The following NPAS3 variants were observed in gnomAD, a reference collection of about 807,000 sequenced individuals.
The protein encoded by NPAS3 is neuronal PAS domain protein 3.
A neutral mutation model predicts 73.1 loss-of-function variants in NPAS3; 14 were observed. The ratio of observed to expected loss-of-function variants is 0.19; its 90% CI spans 0.13 to 0.30. The LOEUF (loss-of-function observed/expected upper bound fraction) is 0.30. Ranked by LOEUF, NPAS3 falls within the 10% of genes least tolerant of loss-of-function variation. The pLI is 1.00. For missense variants in NPAS3, 1,096 were observed against 1,250.0 expected (o/e 0.88, Z 1.86); for synonymous variants, 620 against 541.5 (o/e 1.14, Z -2.01).
intron 5 of NPAS3, among the ~76,000 whole-genome samples, chr14:33,667,497 A>G (rs1056002305): frequency 5.3e-5 from 8 of 152,036 alleles, no homozygotes; most frequent in Non-Finnish European, 1.0e-4. Context: ...ATTTTTTTCT[A>G]CTTGCCAGTT....
intron 4 of NPAS3, among the ~76,000 whole-genome samples, chr14:33,417,813 A>C (rs545290290): frequency 6.6e-6 from 1 of 152,154 alleles, no homozygotes; most frequent in African/African-American, 2.4e-5. Context: ...AAAGAGAAAG[A>C]AGCACTAAGA....
intron 7 of NPAS3, among the ~76,000 whole-genome samples, chr14:33,760,180 A>G (rs1277747527): frequency 2.0e-5 from 3 of 152,046 alleles, no homozygotes; most frequent in Non-Finnish European, 2.9e-5. Flanking sequence ...TAATACATCA[A>G]CAAGTGCTGT....
At chr14:33,259,078 G>C (rs2048881174) in intron 3 of NPAS3, among the ~76,000 whole-genome samples, 1 of 152,188 alleles carries the variant, frequency 6.6e-6, no homozygotes, top group African/African-American at 2.4e-5. Flanking sequence ...CTTCCAAAGT[G>C]CTGGGATTAC....
In NPAS3 at chr14:33,455,014, C is replaced by A. The variant is rs183977553; in HGVS notation, c.468+87746C>A. Among the ~76,000 whole-genome samples, 6 of 152,234 alleles carry A rather than the reference C, an allele frequency of 3.9e-5. No homozygotes were observed. In the East Asian group the frequency reaches 9.6e-4, roughly 24 times the overall value. ...GCGCTGGCTTCCATCAGGCAAGGGG[C>A]CACCAGGCAAGACAAAAGAGATAAA... is the stretch of plus-strand genomic sequence containing the variant. On this transcript the variant is annotated intron_variant, in intron 4 of 11. Transcript: ENST00000356141.
intron 4 of NPAS3, among the ~76,000 whole-genome samples, chr14:33,500,972 A>G (rs186206490): frequency 1.2e-3 from 180 of 150,030 alleles, no homozygotes; most frequent in African/African-American, 4.1e-3. Context: ...CAACTTATAA[A>G]ATAAAAACCT....
At chr14:33,188,567 G>A (rs1417504347) in intron 2 of NPAS3, among the ~76,000 whole-genome samples, 2 of 152,118 alleles carry the variant, frequency 1.3e-5, no homozygotes, top group Non-Finnish European at 2.9e-5. Context: ...TCCTACACAT[G>A]TGGCATTGCA....
intron 4 of NPAS3, among the ~76,000 whole-genome samples, chr14:33,469,894 A>T (rs1004931496): frequency 2.0e-5 from 3 of 152,192 alleles, no homozygotes; most frequent in African/African-American, 7.2e-5. Context: ...TGACTTTTAA[A>T]TCTGCAGTTT....
At chr14:33,341,551 C>T (rs7147449) in intron 3 of NPAS3, among the ~76,000 whole-genome samples, 3,950 of 151,752 alleles carry the variant, frequency 0.026, 186 homozygotes, top group African/African-American at 0.09. Context: ...GAAAGGGATG[C>T]GGGAGGGAAG....
intron 6 of NPAS3, among the ~76,000 whole-genome samples, chr14:33,712,902 T>TCTAATTA (rs2060861402): frequency 6.6e-6 from 1 of 152,170 alleles, no homozygotes; most frequent in African/African-American, 2.4e-5. Context: ...ATTAGAGGAT[T>TCTAATTA]CATTCTAATT....
intron 5 of NPAS3, among the ~76,000 whole-genome samples, chr14:33,653,700 A>G (rs185799015): frequency 1.2e-4 from 18 of 152,366 alleles, no homozygotes; most frequent in Admixed American, 1.1e-3. Context: ...CGTGAAGGTC[A>G]AACAGGTAGC....
chr14:33,140,883 C>T (rs1399376845), intron 2 of NPAS3, among the ~76,000 whole-genome samples: 2 of 152,292 alleles, frequency 1.3e-5, no homozygotes, highest in African/African-American at 2.4e-5. Context: ...AGCCTATTGA[C>T]TATGGCCAAA....
At chr14:33,581,273 G>A (rs1161143272) in intron 5 of NPAS3, among the ~76,000 whole-genome samples, 1 of 152,146 alleles carries the variant, frequency 6.6e-6, no homozygotes, top group African/African-American at 2.4e-5. Flanking sequence ...GGGGACTTGT[G>A]CTTGTTTTAG....
chr14:32,974,180 A>G (rs1004744544), intron 1 of NPAS3, among the ~76,000 whole-genome samples: 13 of 152,184 alleles, frequency 8.5e-5, no homozygotes, highest in African/African-American at 3.1e-4. Context: ...AAGTGACAAA[A>G]GAAGTTATTC....
rs1481584219 is a variant in NPAS3 at position 33,422,973 on chromosome 14, A to T, written c.468+55705A>T. Among the ~76,000 whole-genome samples, 3 of 152,004 alleles carry T rather than the reference A, an allele frequency of 2.0e-5. No homozygotes were observed. The South Asian group carries it at 6.2e-4, about 31-fold the overall frequency. On this transcript the variant is annotated intron_variant, in intron 4 of 11. Transcript: ENST00000356141. ...AGGTCACTTAGTTTATTCAGTGTGG[A>T]AGACAGAGTGGGTGGAGGGACCACC...
chr14:33,103,258 T>C (rs1177020861), intron 2 of NPAS3, among the ~76,000 whole-genome samples: 1 of 152,164 alleles, frequency 6.6e-6, no homozygotes, highest in African/African-American at 2.4e-5. Context: ...CTGACCCTTC[T>C]ACTTTCCCAA....
intron 6 of NPAS3, among the ~76,000 whole-genome samples, 174 bp from the exon 7 acceptor site, chr14:33,735,040 T>C (rs982702921): frequency 6.6e-6 from 1 of 152,214 alleles, no homozygotes. Context: ...TTAATTTTTC[T>C]TTTTTATTTT....
downstream of NPAS3, chr14:33,802,484 A>G (rs1450588648): frequency 2.6e-5 from 4 of 152,132 alleles, no homozygotes; most frequent in Admixed American, 2.0e-4. Flanking sequence ...ATGACTGTCA[A>G]GTATAAATTC....
intron 3 of NPAS3, among the ~76,000 whole-genome samples, chr14:33,360,115 G>A (rs973180239): frequency 2.0e-5 from 3 of 152,176 alleles, no homozygotes; most frequent in African/African-American, 2.4e-5. Flanking sequence ...CTGGATCCTC[G>A]TCAGCTTCGC....
At chr14:33,369,437 A>T (rs2045988839) in intron 4 of NPAS3, among the ~76,000 whole-genome samples, 1 of 147,964 alleles carries the variant, frequency 6.8e-6, no homozygotes, top group South Asian at 2.2e-4. Flanking sequence ...AGGATTAAAC[A>T]TATTCTGTGT....
Sources: allele counts gnomAD v4.1 joint callset (sites outside exome capture counted in the v4.1 genomes callset), GRCh38; gene constraint gnomAD v4.1.1; transcripts MANE v1.5; gene names NCBI Gene and HGNC (gene_info 2026-07-23, HGNC 2026-07-21).